KCNQ3: variants seen among roughly 807,000 people sequenced by gnomAD.
KCNQ3 encodes potassium voltage-gated channel subfamily Q member 3, also known as potassium voltage-gated channel subfamily KQT member 3.
In KCNQ3, 30 loss-of-function variants were observed where a neutral mutation model predicts 92.5. The ratio of observed to expected loss-of-function variants is 0.32; its 90% CI spans 0.24 to 0.44. The LOEUF (loss-of-function observed/expected upper bound fraction) is 0.44. KCNQ3 is among the 20% of genes least tolerant of loss of function. The pLI is 1.00. For missense variants in KCNQ3, 913 were observed against 1,140.3 expected, an observed-to-expected ratio of 0.80 and a Z score of 2.87; for synonymous variants, 450 against 468.8, an observed-to-expected ratio of 0.96 and a Z score of 0.52.
intron 1 of KCNQ3, among the ~76,000 whole-genome samples, chr8:132,215,046 C>T (rs2130313588): frequency 6.6e-6 from 1 of 152,308 alleles, no homozygotes; most frequent in African/African-American, 2.4e-5. Context: ...GTCAGGCTTC[C>T]ATGAAGTGGA....
intron 1 of KCNQ3, among the ~76,000 whole-genome samples, chr8:132,347,357 G>C (rs1372305240): frequency 6.6e-6 from 1 of 152,150 alleles, no homozygotes; most frequent in Non-Finnish European, 1.5e-5. Context: ...GATGATGATG[G>C]TGATGATCTT....
intron 1 of KCNQ3, among the ~76,000 whole-genome samples, chr8:132,211,044 G>T (rs1212654665): frequency 2.6e-5 from 4 of 152,182 alleles, no homozygotes; most frequent in Admixed American, 1.3e-4. Flanking sequence ...CTCTGCACAG[G>T]CCTGCCTTGT....
At chr8:132,368,318 G>A (rs752953664) in intron 1 of KCNQ3, among the ~76,000 whole-genome samples, 2 of 152,078 alleles carry the variant, frequency 1.3e-5, no homozygotes, top group Admixed American at 6.6e-5. Context: ...TGTGTGCTAC[G>A]TAATGCCTCA....
At chr8:132,294,780 T>A (rs1404788572) in intron 1 of KCNQ3, among the ~76,000 whole-genome samples, 1 of 152,206 alleles carries the variant, frequency 6.6e-6, no homozygotes, top group Non-Finnish European at 1.5e-5. Context: ...TGAGCAACTA[T>A]CCTAGGTCAA....
intron 1 of KCNQ3, among the ~76,000 whole-genome samples, chr8:132,311,717 G>A (rs1302474259): frequency 6.6e-6 from 1 of 152,168 alleles, no homozygotes; most frequent in Non-Finnish European, 1.5e-5. Flanking sequence ...AAAGTCAAAG[G>A]AACTGAACTG....
chr8:132,447,354 A>C (rs771529433), intron 1 of KCNQ3: 1 of 966,794 alleles, frequency 1.0e-6, no homozygotes, highest in Non-Finnish European at 1.6e-6. Context: ...ACAGGCAGAC[A>C]GTAAAGGTTT....
At chr8:132,339,215 G>A (rs1270750244) in intron 1 of KCNQ3, among the ~76,000 whole-genome samples, 3 of 152,128 alleles carry the variant, frequency 2.0e-5, no homozygotes, top group African/African-American at 4.8e-5. Flanking sequence ...CAGGAGCAGG[G>A]CCCTTCCAGA....
At chr8:132,232,669 A>C (rs1586849664) in intron 1 of KCNQ3, among the ~76,000 whole-genome samples, 1 of 152,316 alleles carries the variant, frequency 6.6e-6, no homozygotes, top group East Asian at 1.9e-4. Context: ...AATCAGATTG[A>C]GATGTGTCCT....
chr8:132,158,221 T>C lies in KCNQ3; in HGVS notation c.1262+5247A>G, dbSNP rs115876602. 2.5e-3 allele frequency among the ~76,000 whole-genome samples: 380 copies of C among 152,330 alleles called. 1 individual carries two copies. Among genetic ancestry groups the C allele is most frequent in the African/African-American group, 8.7e-3 (362 of 41,568 alleles). Reference sequence around the variant, plus strand: ...CCTTTTGTTTTGCTCTGGTTAACAATTTCCTCATCAGTAAAATTAGGGGAT... The same window carrying C: ...CCTTTTGTTTTGCTCTGGTTAACAACTTCCTCATCAGTAAAATTAGGGGAT... On this transcript the variant is annotated intron_variant, in intron 9 of 14. Transcript: ENST00000388996.
At chr8:132,170,483 A>G in intron 7 of KCNQ3, 55 bp from the exon 8 acceptor site, 1 of 1,040,444 alleles carries the variant, frequency 9.6e-7, no homozygotes. Flanking sequence ...AAACTTTCGC[A>G]CAGACTCCCA....
At position 132,480,350 on chromosome 8, in the gene KCNQ3, G is replaced by T; in HGVS notation, c.183C>A (p.Ala61=). The change falls in exon 1 of 15, where the codon GCC becomes GCA. Residue 61 remains alanine, a synonymous_variant. Coordinates refer to ENST00000388996, the MANE Select transcript of KCNQ3 (RefSeq NM_004519.4). ...EQVTLALGAG[A]DKDGTLLLEG... is the part of the protein sequence containing the mutation. ...CCAGCAGCAGGGTCCCGTCTTTGTC[G>T]GCTCCGGCCCCGAGCGCCAAGGTGA... The T allele has an allele frequency of 6.3e-7, 1 of 1,595,072 alleles. No individual in the cohort carries two copies. Among genetic ancestry groups the T allele is most frequent in the Non-Finnish European group, 8.5e-7 (1 of 1,174,878 alleles).
intron 1 of KCNQ3, among the ~76,000 whole-genome samples, chr8:132,351,677 G>A (rs779195047): frequency 3.3e-5 from 5 of 152,184 alleles, no homozygotes; most frequent in East Asian, 1.9e-4. Context: ...TGCCCTTCCC[G>A]TGGGTGGCAC....
chr8:132,197,018 T>G (rs1156522177), intron 1 of KCNQ3, among the ~76,000 whole-genome samples: 1 of 152,204 alleles, frequency 6.6e-6, no homozygotes, highest in East Asian at 1.9e-4. Context: ...CATGGATTTT[T>G]TTTTTTTTTT....
chr8:132,431,075 T>C (rs1439706746), intron 1 of KCNQ3, among the ~76,000 whole-genome samples: 6 of 152,162 alleles, frequency 3.9e-5, no homozygotes, highest in African/African-American at 1.2e-4. Context: ...CCATCTTTGA[T>C]TGCACTAGGC....
chr8:132,261,969 T>C (rs1200758139), intron 1 of KCNQ3, among the ~76,000 whole-genome samples: 5 of 152,150 alleles, frequency 3.3e-5, no homozygotes, highest in African/African-American at 1.2e-4. Flanking sequence ...CATCCATAAA[T>C]GGATGAATGG....
In KCNQ3 at chr8:132,185,696, G is replaced by C. The variant is rs181371043; in HGVS notation, c.477+395C>G. 4.7e-3 allele frequency among the ~76,000 whole-genome samples: 722 copies of C among 152,358 alleles called. 5 individuals are homozygous for C. The highest frequency in any genetic ancestry group is 0.017 in the African/African-American group (696 of 41,576). ...ATGGAATTCTGTACCTGGCCTTGGA[G>C]AGAATGAGAGATCCTTGGAGTTTAG... On this transcript the variant is annotated intron_variant, in intron 2 of 14. Coordinates refer to ENST00000388996, the MANE Select transcript of KCNQ3 (RefSeq NM_004519.4).
chr8:132,212,902 G>C (rs140709927), intron 1 of KCNQ3, among the ~76,000 whole-genome samples: 1 of 152,182 alleles, frequency 6.6e-6, no homozygotes, highest in Non-Finnish European at 1.5e-5. Context: ...CCTGTAGGCA[G>C]GTGCCGCTGC....
intron 1 of KCNQ3, among the ~76,000 whole-genome samples, chr8:132,466,361 C>T (rs80223762): frequency 0.027 from 4,034 of 151,720 alleles, 114 homozygotes; most frequent in African/African-American, 0.08. Context: ...AACCAGAGGA[C>T]GACTACCAGT....
At chr8:132,288,142 T>G (rs541137627) in intron 1 of KCNQ3, among the ~76,000 whole-genome samples, 1 of 152,330 alleles carries the variant, frequency 6.6e-6, no homozygotes, top group East Asian at 1.9e-4. Context: ...TTTGTGTTAC[T>G]CCTTTAGGAT....
Sources: gnomAD v4.1 joint callset for allele counts (sites outside exome capture counted in the v4.1 genomes callset) on GRCh38, gnomAD v4.1.1 for gene constraint, MANE v1.5 for transcripts, NCBI Gene and HGNC (gene_info 2026-07-23, HGNC 2026-07-21) for gene names.